The following CFAP20DC variants were observed in gnomAD, a reference collection of about 807,000 sequenced individuals.
CFAP20DC encodes the protein protein CFAP20DC.
CFAP20DC carries 84 observed loss-of-function variants against 101.7 expected under a neutral mutation model. The observed-to-expected ratio is 0.83, with a 90% CI of 0.69 to 0.99. The LOEUF (loss-of-function observed/expected upper bound fraction) is 0.99, where lower values mean the gene tolerates loss of function less well. Among genes scored for constraint, CFAP20DC ranks in the 50% least tolerant of loss-of-function variants. The pLI is 0.00. For synonymous variants in CFAP20DC, 359 were observed against 351.2 expected (o/e 1.02, Z -0.25); for missense variants, 1,007 against 970.3 (o/e 1.04, Z -0.50).
intron 4 of CFAP20DC, among the ~76,000 whole-genome samples, chr3:59,016,328 G>C (rs1427899436): frequency 6.6e-6 from 1 of 151,996 alleles, no homozygotes; most frequent in Non-Finnish European, 1.5e-5. Flanking sequence ...CATATGTGAG[G>C]ACCAACAAAA....
rs1328213698 is a variant in CFAP20DC, at chr3:58,869,803, T to G, written c.853-313A>C. ...CGTATGTCAGAAATTCGGAGGAAAT[T>G]AAAAATAAAAAACCTAACATTTGAG... On this transcript the variant is annotated intron_variant, in intron 8 of 16. Coordinates refer to ENST00000482387, the MANE Select transcript of CFAP20DC (RefSeq NM_001394063.1). The surrounding 1 kb of genome is among the most constrained non-coding windows in gnomAD (Gnocchi z 4.3). 2.0e-5 allele frequency among the ~76,000 whole-genome samples: 3 copies of G among 152,110 alleles called. No homozygotes were observed. The highest frequency in any genetic ancestry group is 4.4e-5 in the Non-Finnish European group (3 of 67,998).
At chr3:58,867,680 C>G in intron 10 of CFAP20DC, 137 bp downstream of exon 10, 1 of 1,075,610 alleles carries the variant, frequency 9.3e-7, no homozygotes, top group Non-Finnish European at 1.3e-6. Context: ...AATTTGATTT[C>G]CATAATCCTT....
At chr3:58,816,972 G>A (rs927724118) in intron 14 of CFAP20DC, among the ~76,000 whole-genome samples, 4 of 152,144 alleles carry the variant, frequency 2.6e-5, no homozygotes, top group African/African-American at 7.2e-5. Flanking sequence ...CCTCAAGTGG[G>A]TCCCTGGCCC....
At chr3:58,745,512 G>A (rs566672991) in intron 16 of CFAP20DC, among the ~76,000 whole-genome samples, 1 of 152,264 alleles carries the variant, frequency 6.6e-6, no homozygotes, top group South Asian at 2.1e-4. Flanking sequence ...GCTGGCTACA[G>A]ATCATTTCAC....
rs2093649184 is a variant in CFAP20DC at position 59,014,441 on chromosome 3, T to G, written c.278+25116A>C. Among the ~76,000 whole-genome samples the G allele has an allele frequency of 6.6e-6, 1 of 152,198 alleles. No homozygotes were observed. Among genetic ancestry groups the G allele is most frequent in the African/African-American group, 2.4e-5 (1 of 41,454 alleles). ...AAATATTAACTGAAACTTTATGATATCTATAATCCAAATAGTGTTGTCAAT... is the reference window on the plus strand; with the variant it reads ...AAATATTAACTGAAACTTTATGATAGCTATAATCCAAATAGTGTTGTCAAT... On this transcript the variant is annotated intron_variant, in intron 4 of 16. Transcript: ENST00000482387. The surrounding 1 kb of genome is among the most constrained non-coding windows in gnomAD (Gnocchi z 4.9).
chr3:58,951,424 T>A (rs993985727), intron 4 of CFAP20DC, among the ~76,000 whole-genome samples: 3 of 152,190 alleles, frequency 2.0e-5, no homozygotes, highest in Non-Finnish European at 4.4e-5. Context: ...CCCAAAGGAT[T>A]AGAAATCATG....
Position 58,971,143 on chromosome 3 carries a change from A to G in CFAP20DC, c.279-33381T>C, listed in dbSNP as rs1184856935. On this transcript the variant is annotated intron_variant, in intron 4 of 16. Transcript: ENST00000482387. The surrounding 1 kb of genome is among the most constrained non-coding windows in gnomAD (Gnocchi z 4.1). ...TGTAGGACATTGCTTGTTCCAGCTA[A>G]TTGACTATTCTGTTGAGCCTAACAG... Among the ~76,000 whole-genome samples, 1 of 152,168 alleles carries G rather than the reference A, an allele frequency of 6.6e-6. No homozygotes were observed. The highest frequency in any genetic ancestry group is 1.5e-5 in the Non-Finnish European group (1 of 68,014).
At chr3:58,994,464 C>T (rs536629051) in intron 4 of CFAP20DC, among the ~76,000 whole-genome samples, 2 of 151,974 alleles carry the variant, frequency 1.3e-5, no homozygotes, top group Non-Finnish European at 2.9e-5. Flanking sequence ...AATGGGGAAA[C>T]TGCAGCACAC....
intron 12 of CFAP20DC, among the ~76,000 whole-genome samples, chr3:58,857,727 T>C (rs1559718598): frequency 1.3e-5 from 2 of 152,058 alleles, no homozygotes; most frequent in Admixed American, 6.5e-5. Context: ...TATATTTGAG[T>C]AGTGTTCTAA....
intron 11 of CFAP20DC, among the ~76,000 whole-genome samples, chr3:58,865,513 A>G (rs775106760): frequency 6.6e-6 from 1 of 152,130 alleles, no homozygotes; most frequent in Non-Finnish European, 1.5e-5. Context: ...TCTTCTGACC[A>G]CCTTCACAGA....
At position 58,722,933 on chromosome 3, in the gene CFAP20DC, G is replaced by A. The variant is rs751911025; in HGVS notation, c.198-5305C>T. ...TTTACCTTGTCAATTTTGGTAACAT[G>A]CAGCTGCCACATTCATGAGCACATG... On this transcript the variant is annotated intron_variant, in intron 3 of 3. Coordinates refer to the CFAP20DC transcript ENST00000486145. The surrounding 1 kb of genome is among the most constrained non-coding windows in gnomAD (Gnocchi z 4.5). Among the ~76,000 whole-genome samples, 1 of 152,182 alleles carries A rather than the reference G, an allele frequency of 6.6e-6. No homozygotes were observed. Among genetic ancestry groups the A allele is most frequent in the Non-Finnish European group, 1.5e-5 (1 of 68,026 alleles).
chr3:59,009,435 T>C (rs1276613519), intron 4 of CFAP20DC, among the ~76,000 whole-genome samples: 6 of 151,668 alleles, frequency 4.0e-5, no homozygotes, highest in African/African-American at 1.2e-4. Flanking sequence ...ATACAGGATA[T>C]GAATGAAAAA....
intron 12 of CFAP20DC, among the ~76,000 whole-genome samples, chr3:58,858,188 A>C (rs1397171626): frequency 6.6e-6 from 1 of 152,156 alleles, no homozygotes; most frequent in Non-Finnish European, 1.5e-5. Flanking sequence ...TTTTGATTTA[A>C]CTTAATATGT....
intron 4 of CFAP20DC, among the ~76,000 whole-genome samples, chr3:59,031,044 G>A (rs528475218): frequency 1.3e-5 from 2 of 151,402 alleles, no homozygotes; most frequent in South Asian, 4.2e-4. Context: ...GGATAGTCTC[G>A]ATCTCCTGAC....
Position 58,995,953 on chromosome 3 carries a change from C to T in CFAP20DC, c.278+43604G>A, listed in dbSNP as rs528515555. Among the ~76,000 whole-genome samples the T allele has an allele frequency of 2.3e-4, 34 of 149,466 alleles. No homozygotes were observed. The South Asian group carries it at 4.5e-3, about 20-fold the overall frequency. ...TGGGACTTCTCAGCCTCCATGACCACATGAGCCAATTCTGTATAATAAATC... is the reference window on the plus strand; with the variant it reads ...TGGGACTTCTCAGCCTCCATGACCATATGAGCCAATTCTGTATAATAAATC... On this transcript the variant is annotated intron_variant, in intron 4 of 16. Coordinates refer to ENST00000482387, the MANE Select transcript of CFAP20DC (RefSeq NM_001394063.1).
At chr3:58,744,166 A>G (rs2068041093) in intron 16 of CFAP20DC, among the ~76,000 whole-genome samples, 1 of 152,212 alleles carries the variant, frequency 6.6e-6, no homozygotes, top group Non-Finnish European at 1.5e-5. Context: ...CTCATGTAGT[A>G]GTTCATTTGG....
At chr3:58,906,361 T>C (rs2083585869) in intron 6 of CFAP20DC, among the ~76,000 whole-genome samples, 1 of 152,188 alleles carries the variant, frequency 6.6e-6, no homozygotes, top group Non-Finnish European at 1.5e-5. Context: ...ACTCTTGTAT[T>C]AACTTTTCTA....
At chr3:58,816,371 C>T (rs937958587) in intron 14 of CFAP20DC, among the ~76,000 whole-genome samples, 1 of 152,186 alleles carries the variant, frequency 6.6e-6, no homozygotes, top group African/African-American at 2.4e-5. Flanking sequence ...GCATTTCCAT[C>T]TGAGGTACCG....
At chr3:58,720,118 G>A (rs1559522661) in intron 3 of CFAP20DC, among the ~76,000 whole-genome samples, 1 of 152,294 alleles carries the variant, frequency 6.6e-6, no homozygotes, top group East Asian at 1.9e-4. Context: ...CCTGCTTCAA[G>A]CTCTTCAAGC....
Sources: gnomAD v4.1 joint callset for allele counts (sites outside exome capture counted in the v4.1 genomes callset) on GRCh38, gnomAD v4.1.1 for gene constraint, Gnocchi (gnomAD v3.1) non-coding constraint, MANE v1.5 for transcripts, NCBI Gene and HGNC (gene_info 2026-07-23, HGNC 2026-07-21) for gene names.